GRIA2: variants seen among roughly 807,000 people sequenced by gnomAD.
GRIA2 encodes glutamate receptor 2.
In GRIA2, 14 loss-of-function variants were observed where a neutral mutation model predicts 97.3. The ratio of observed to expected loss-of-function variants is 0.14; its 90% CI spans 0.10 to 0.23. The LOEUF is 0.23. GRIA2 is among the 10% of genes least tolerant of loss of function. GRIA2 has a pLI of 1.00. For missense variants in GRIA2, 558 were observed against 1,069.8 expected (o/e 0.52, Z 6.67); for synonymous variants, 412 against 387.8 (o/e 1.06, Z -0.73).
chr4:157,326,388 C>T (rs1177219369), intron 6 of GRIA2, among the ~76,000 whole-genome samples: 1 of 152,102 alleles, frequency 6.6e-6, no homozygotes, highest in African/African-American at 2.4e-5. Flanking sequence ...TGTTAATTAT[C>T]TCCTCCTACT....
chr4:157,256,100 A>C (rs1336529146), intron 2 of GRIA2, among the ~76,000 whole-genome samples: 1 of 146,364 alleles, frequency 6.8e-6, no homozygotes, highest in Non-Finnish European at 1.5e-5. Context: ...AAATGTCTTC[A>C]GAAGATACAG....
intron 2 of GRIA2, among the ~76,000 whole-genome samples, chr4:157,222,266 C>A (rs1313135803): frequency 6.6e-6 from 1 of 152,176 alleles, no homozygotes; most frequent in Non-Finnish European, 1.5e-5. Context: ...GCCTCCTGCC[C>A]CAGCAGCTGC....
At chr4:157,300,857 A>G (rs1023802748) in intron 2 of GRIA2, among the ~76,000 whole-genome samples, 1 of 152,146 alleles carries the variant, frequency 6.6e-6, no homozygotes, top group Non-Finnish European at 1.5e-5. Context: ...CGCAATAACC[A>G]GGAGGTCCCT....
chr4:157,266,342 G>C (rs1402607591), intron 2 of GRIA2, among the ~76,000 whole-genome samples: 3 of 152,056 alleles, frequency 2.0e-5, no homozygotes, highest in African/African-American at 4.8e-5. Context: ...AGTATGCTTA[G>C]GACAGAATTC....
At chr4:157,314,151 G>T (rs1037378214) in intron 4 of GRIA2, among the ~76,000 whole-genome samples, 1 of 152,088 alleles carries the variant, frequency 6.6e-6, no homozygotes, top group African/African-American at 2.4e-5. Flanking sequence ...TGTTCAAGGG[G>T]CAATAGTATA....
Position 157,361,427 on chromosome 4 carries a change from C to A in GRIA2, c.2406+303C>A. The A allele has an allele frequency of 1.2e-6, 1 of 861,624 alleles. No individual in the cohort carries two copies. Among genetic ancestry groups the A allele is most frequent in the Non-Finnish European group, 1.9e-6 (1 of 539,464 alleles). The allele number at this position is 861,624 out of a possible 1,614,324, so 53.4% of individuals were successfully genotyped here. On this transcript the variant is annotated intron_variant, in intron 14 of 15. Coordinates refer to ENST00000264426, the MANE Select transcript of GRIA2 (RefSeq NM_001083619.3). The surrounding 1 kb of genome is among the most constrained non-coding windows in gnomAD (Gnocchi z 5.2). ...TGCAAATCTTACCGTTTGCTTAGGCCAAATGGCGCATCAATGACTATCGCT... is the reference window on the plus strand; with the variant it reads ...TGCAAATCTTACCGTTTGCTTAGGCAAAATGGCGCATCAATGACTATCGCT...
chr4:157,300,255 A>C (rs1230732694), intron 2 of GRIA2, among the ~76,000 whole-genome samples: 1 of 152,174 alleles, frequency 6.6e-6, no homozygotes, highest in Non-Finnish European at 1.5e-5. Context: ...TATTCTTGTG[A>C]AAGGTGTCAG....
At chr4:157,223,563 T>A (rs1729606501) in intron 2 of GRIA2, among the ~76,000 whole-genome samples, 2 of 152,230 alleles carry the variant, frequency 1.3e-5, no homozygotes, top group African/African-American at 4.8e-5. Context: ...GACTATTCAT[T>A]TGATATCAGT....
At chr4:157,297,704 T>G (rs1733412992) in intron 2 of GRIA2, among the ~76,000 whole-genome samples, 1 of 152,140 alleles carries the variant, frequency 6.6e-6, no homozygotes, top group South Asian at 2.1e-4. Context: ...TAATAATCTC[T>G]CTGTGATATT....
intron 2 of GRIA2, among the ~76,000 whole-genome samples, chr4:157,244,334 C>T (rs1269760925): frequency 6.6e-6 from 1 of 151,994 alleles, no homozygotes; most frequent in Admixed American, 6.6e-5. Flanking sequence ...TTTAGGTGAA[C>T]TGAAGATCCA....
At chr4:157,283,274 T>C (rs749064072) in intron 2 of GRIA2, among the ~76,000 whole-genome samples, 2 of 151,952 alleles carry the variant, frequency 1.3e-5, no homozygotes, top group Non-Finnish European at 2.9e-5. Context: ...TTTGAGATTG[T>C]CGGACTTTGC....
intron 2 of GRIA2, among the ~76,000 whole-genome samples, chr4:157,266,129 A>T (rs1731757231): frequency 6.6e-6 from 1 of 152,132 alleles, no homozygotes; most frequent in Non-Finnish European, 1.5e-5. Flanking sequence ...TCTGAAGGGA[A>T]AATGGTGAGT....
intron 2 of GRIA2, among the ~76,000 whole-genome samples, chr4:157,260,642 G>C (rs1455525285): frequency 6.6e-6 from 1 of 151,994 alleles, no homozygotes; most frequent in Non-Finnish European, 1.5e-5. Flanking sequence ...TAAAACGCTA[G>C]AATATGTCAT....
intron 2 of GRIA2, among the ~76,000 whole-genome samples, chr4:157,277,910 G>GTATATATATGTATATATGTA: frequency 7.2e-6 from 1 of 139,854 alleles, no homozygotes; most frequent in Non-Finnish European, 1.6e-5. Context: ...ATGTATATAT[G>GTATATATATGTATATATGTA]TATATATATG....
intron 2 of GRIA2, among the ~76,000 whole-genome samples, chr4:157,224,087 T>A (rs1729635092): frequency 6.6e-6 from 1 of 152,164 alleles, no homozygotes; most frequent in Admixed American, 6.5e-5. Flanking sequence ...TTTAAAAAAT[T>A]ACCACACAAT....
At chr4:157,266,398 AG>A in intron 2 of GRIA2, among the ~76,000 whole-genome samples, 1 of 152,258 alleles carries the variant, frequency 6.6e-6, no homozygotes, top group Non-Finnish European at 1.5e-5. Flanking sequence ...TGAAAATCAA[AG>A]GTAACTGAGA....
At chr4:157,240,843 A>G (rs1014363423) in intron 2 of GRIA2, among the ~76,000 whole-genome samples, 8 of 151,560 alleles carry the variant, frequency 5.3e-5, no homozygotes, top group African/African-American at 1.5e-4. Context: ...ATATCTCCCA[A>G]TGCTATCCCT....
At chr4:157,298,709 A>G (rs1733473745) in intron 2 of GRIA2, among the ~76,000 whole-genome samples, 1 of 149,392 alleles carries the variant, frequency 6.7e-6, no homozygotes, top group African/African-American at 2.5e-5. Flanking sequence ...ACACCAAAAC[A>G]TAGTAGATAA....
intron 11 of GRIA2, among the ~76,000 whole-genome samples, chr4:157,338,346 A>T (rs1298659374): frequency 2.0e-5 from 3 of 151,890 alleles, no homozygotes; most frequent in East Asian, 2.0e-4. Flanking sequence ...TGGGTTCATT[A>T]TGAAGTAGGA....
Sources: gnomAD v4.1 joint callset for allele counts (sites outside exome capture counted in the v4.1 genomes callset) on GRCh38, gnomAD v4.1.1 for gene constraint, Gnocchi (gnomAD v3.1) non-coding constraint, MANE v1.5 for transcripts, NCBI Gene and HGNC (gene_info 2026-07-23, HGNC 2026-07-21) for gene names.